The following FHL2 variants were observed in gnomAD, a reference collection of about 807,000 sequenced individuals.
The protein encoded by FHL2 is four and a half LIM domains protein 2.
A neutral mutation model predicts 32.7 loss-of-function variants in FHL2; 20 were observed. That is an observed-to-expected ratio of 0.61 (90% confidence interval 0.43 to 0.89). The LOEUF (loss-of-function observed/expected upper bound fraction) is 0.89, where lower values mean the gene tolerates loss of function less well. Among genes scored for constraint, FHL2 ranks in the 40% least tolerant of loss-of-function variants. The probability of loss-of-function intolerance (pLI) is 0.00; values close to 1 mark genes in which losing one functional copy is unlikely to be tolerated. For synonymous variants in FHL2, 123 were observed against 128.1 expected, an observed-to-expected ratio of 0.96 and a Z score of 0.27; for missense variants, 311 against 358.6, an observed-to-expected ratio of 0.87 and a Z score of 1.07.
intron 3 of FHL2, 109 bp downstream of exon 3, chr2:105,386,252 G>A: frequency 7.7e-7 from 1 of 1,302,686 alleles, no homozygotes; most frequent in Non-Finnish European, 1.1e-6. Context: ...CCTCAGAGGG[G>A]GCTCAAGAGA....
At chr2:105,417,068 T>C (rs942916535) in intron 1 of FHL2, among the ~76,000 whole-genome samples, 3 of 152,198 alleles carry the variant, frequency 2.0e-5, no homozygotes, top group African/African-American at 7.2e-5. Flanking sequence ...ATCTTCCCTT[T>C]CATCACTCTG....
chr2:105,379,164 T>C (rs1681700618), intron 3 of FHL2, among the ~76,000 whole-genome samples: 1 of 152,194 alleles, frequency 6.6e-6, no homozygotes, highest in East Asian at 1.9e-4. Context: ...CATTGGGAAG[T>C]AATTGAACCT....
intron 1 of FHL2, among the ~76,000 whole-genome samples, chr2:105,428,257 G>A (rs6755004): frequency 0.3 from 45,480 of 152,062 alleles, 6,959 homozygotes; most frequent in Middle Eastern, 0.36. Context: ...AGGGCGGCCC[G>A]TGCCACCCAT....
At chr2:105,357,776 T>C (rs905803134), downstream of FHL2, 17 of 152,176 alleles carry the variant, frequency 1.1e-4, no homozygotes, top group South Asian at 2.1e-4. Flanking sequence ...TCCATGGATA[T>C]GGAGGAACAA....
At chr2:105,407,407 A>AG (rs1207327094) in intron 1 of FHL2, among the ~76,000 whole-genome samples, 1 of 151,710 alleles carries the variant, frequency 6.6e-6, no homozygotes, top group Non-Finnish European at 1.5e-5. Flanking sequence ...AAAAAAAAAA[A>AG]AAGAAGAAGG....
chr2:105,428,513 G>A (rs1684330110), intron 1 of FHL2, among the ~76,000 whole-genome samples: 1 of 152,172 alleles, frequency 6.6e-6, no homozygotes, highest in African/African-American at 2.4e-5. Flanking sequence ...TGAGAGGTTG[G>A]GCTCCTCATA....
At chr2:105,408,550 A>G (rs557635178) in intron 1 of FHL2, among the ~76,000 whole-genome samples, 1 of 152,200 alleles carries the variant, frequency 6.6e-6, no homozygotes, top group South Asian at 2.1e-4. Flanking sequence ...TTGTATCGAG[A>G]ATTCATTTAT....
At position 105,361,173 on chromosome 2, in the gene FHL2, G is replaced by T; in HGVS notation, c.*110C>A. On this transcript the variant is annotated 3_prime_UTR_variant, in exon 7 of 7. Coordinates refer to ENST00000530340, the MANE Select transcript of FHL2 (RefSeq NM_001318895.3). ...TGAGTATCACTGAAAAGCACTAGAA[G>T]AAAGTCTCAATGTGGCTGGAAGAAA... The T allele has an allele frequency of 9.0e-7, 1 of 1,112,650 alleles. No individual in the cohort carries two copies. The allele number at this position is 1,112,650 out of a possible 1,614,324, so 68.9% of individuals were successfully genotyped here. A position where few individuals can be genotyped will look rare whatever the true frequency, so the allele number is the denominator to read the frequency against.
rs564380694 is a variant in FHL2, at chr2:105,425,350, G to T, written c.-25+13049C>A. Among the ~76,000 whole-genome samples the T allele has an allele frequency of 5.3e-5, 8 of 152,328 alleles. No individual in the cohort carries two copies. In the South Asian group the frequency reaches 1.5e-3, roughly 28 times the overall value. ...CAATAAACCAGGGGCACAATGCACTGCAGAAAGCCGCAGGGAACTCTGCCC... is the reference window on the plus strand; with the variant it reads ...CAATAAACCAGGGGCACAATGCACTTCAGAAAGCCGCAGGGAACTCTGCCC... On this transcript the variant is annotated intron_variant, in intron 1 of 5. Transcript: ENST00000393352.
rs545174750 is a variant in FHL2 at position 105,398,977 on chromosome 2, C to G, written c.-211G>C. ...GGGGTTGGAGGTACTCACGGCACCG[C>G]AGCGGGCCGGGGACTCCCGGACGGG... On this transcript the variant is annotated 5_prime_UTR_variant, in exon 1 of 7. Transcript: ENST00000530340. 6.2e-4 allele frequency: 941 copies of G among 1,519,188 alleles called. 18 individuals are homozygous for G. The South Asian group carries it at 0.011, about 18-fold the overall frequency. 94.1% of individuals were successfully genotyped at this position (1,519,188 alleles called of 1,614,324 possible). A position where few individuals can be genotyped will look rare whatever the true frequency, so the allele number is the denominator to read the frequency against.
chr2:105,412,985 G>T (rs1683840847), intron 1 of FHL2, among the ~76,000 whole-genome samples: 1 of 152,218 alleles, frequency 6.6e-6, no homozygotes, highest in South Asian at 2.1e-4. Context: ...ACGTAGCTCA[G>T]TAAGGAAACT....
At chr2:105,437,548 C>G (rs371686226) in intron 1 of FHL2, among the ~76,000 whole-genome samples, 38 of 152,192 alleles carry the variant, frequency 2.5e-4, no homozygotes, top group African/African-American at 9.2e-4. Context: ...TAGCATTAAT[C>G]TGTAAGGCAG....
intron 3 of FHL2, 86 bp downstream of exon 3, chr2:105,386,275 G>A: frequency 6.7e-7 from 1 of 1,484,782 alleles, no homozygotes; most frequent in Non-Finnish European, 9.2e-7. Flanking sequence ...GACTTCAGTG[G>A]TGGATCAGGG....
At chr2:105,403,117 T>C (rs1474456236), upstream of FHL2, among the ~76,000 whole-genome samples, 1 of 152,236 alleles carries the variant, frequency 6.6e-6, no homozygotes, top group African/African-American at 2.4e-5. Flanking sequence ...ATAAACCACT[T>C]AGAACTATTA....
At chr2:105,411,879 C>T (rs1005418274) in intron 1 of FHL2, among the ~76,000 whole-genome samples, 4 of 151,794 alleles carry the variant, frequency 2.6e-5, no homozygotes, top group Non-Finnish European at 5.9e-5. Context: ...AGTAGAGAGC[C>T]CGAGGGAAAC....
At chr2:105,401,064 CTTTTTTTTT>C (rs10561053), upstream of FHL2, among the ~76,000 whole-genome samples, 2 of 125,536 alleles carry the variant, frequency 1.6e-5, no homozygotes, top group East Asian at 2.2e-4. Flanking sequence ...TTATTGGATT[CTTTTTTTTT>C]TTTTTTTTTG....
chr2:105,368,835 C>T (rs1023583221), intron 4 of FHL2, among the ~76,000 whole-genome samples: 1 of 152,132 alleles, frequency 6.6e-6, no homozygotes, highest in African/African-American at 2.4e-5. Flanking sequence ...GTATCAGGGA[C>T]AAAGAAAGAG....
At chr2:105,370,510 C>A (rs560917086) in intron 4 of FHL2, among the ~76,000 whole-genome samples, 6 of 152,258 alleles carry the variant, frequency 3.9e-5, no homozygotes, top group Admixed American at 3.3e-4. Context: ...AGCCGGTAAA[C>A]CCCAGCACTG....
chr2:105,391,000 T>C (rs1682690753), intron 2 of FHL2, among the ~76,000 whole-genome samples: 1 of 142,530 alleles, frequency 7.0e-6, no homozygotes. Context: ...TGTATGTGTA[T>C]TTTTTTTTTT....
Sources: gnomAD v4.1 joint callset for allele counts (sites outside exome capture counted in the v4.1 genomes callset) on GRCh38, gnomAD v4.1.1 for gene constraint, MANE v1.5 for transcripts, NCBI Gene and HGNC (gene_info 2026-07-23, HGNC 2026-07-21) for gene names.